Variants in CATSPERB observed in about 807,000 individuals in gnomAD.
CATSPERB encodes cation channel sperm-associated auxiliary subunit beta.
CATSPERB carries 93 observed loss-of-function variants against 128.3 expected under a neutral mutation model. That is an observed-to-expected ratio of 0.72 (90% CI 0.61 to 0.86). The LOEUF (loss-of-function observed/expected upper bound fraction) is 0.86. CATSPERB is among the 40% of genes least tolerant of loss of function. The pLI is 0.00. For missense variants in CATSPERB, 1,153 were observed against 1,329.5 expected (o/e 0.87, Z 2.06); for synonymous variants, 381 against 448.8 (o/e 0.85, Z 1.91).
At position 91,695,170 on chromosome 14, in the gene CATSPERB, T is replaced by C. The variant is rs112015817; in HGVS notation, c.617-1691A>G. The stretch of plus-strand genomic sequence containing the variant: ...TTTTTGATAGAGTCTCACTCCGTCA[T>C]CCAGGCTGGGGTGCAGTGGCGCAAT... On this transcript the variant is annotated intron_variant, in intron 7 of 26. Transcript: ENST00000256343. 4.2e-3 allele frequency among the ~76,000 whole-genome samples: 619 copies of C among 148,144 alleles called. 8 individuals carry two copies. Among genetic ancestry groups the C allele is most frequent in the African/African-American group, 0.014 (578 of 40,176 alleles).
intron 10 of CATSPERB, among the ~76,000 whole-genome samples, chr14:91,684,865 C>G (rs772032860): frequency 6.6e-6 from 1 of 152,024 alleles, no homozygotes; most frequent in Non-Finnish European, 1.5e-5. Context: ...GATCCACCCC[C>G]CTCGGCCTCC....
chr14:91,617,269 G>A (rs1169557051), intron 20 of CATSPERB, among the ~76,000 whole-genome samples: 2 of 152,056 alleles, frequency 1.3e-5, no homozygotes, highest in African/African-American at 4.8e-5. Flanking sequence ...GTCTGCAAAA[G>A]GGTAATTTCA....
intron 5 of CATSPERB, chr14:91,709,663 C>T (rs1895800985): frequency 7.3e-6 from 1 of 136,212 alleles, no homozygotes; most frequent in Non-Finnish European, 1.5e-5. Context: ...GCACTCCAGC[C>T]TGGGCAGCAG....
chr14:91,583,226 G>A (rs922210270), intron 26 of CATSPERB, among the ~76,000 whole-genome samples: 5 of 152,296 alleles, frequency 3.3e-5, no homozygotes, highest in Admixed American at 3.3e-4. Flanking sequence ...AGACCATCCT[G>A]GCTAACATGG....
At chr14:91,677,328 C>G (rs2139835398) in intron 11 of CATSPERB, among the ~76,000 whole-genome samples, 1 of 151,588 alleles carries the variant, frequency 6.6e-6, no homozygotes, top group Middle Eastern at 3.4e-3. Flanking sequence ...ACCCAAGAAT[C>G]TACAAAGAAT....
chr14:91,717,358 T>A (rs1271461523), intron 5 of CATSPERB, among the ~76,000 whole-genome samples: 7 of 152,158 alleles, frequency 4.6e-5, no homozygotes, highest in Admixed American at 4.6e-4. Context: ...GAATGCAAAT[T>A]ATACCTTATT....
chr14:91,709,584 T>A (rs1413557932), intron 5 of CATSPERB: 2 of 140,024 alleles, frequency 1.4e-5, no homozygotes, highest in East Asian at 4.2e-4. Context: ...CCCAGCTACT[T>A]GGGAGGCTGA....
intron 20 of CATSPERB, among the ~76,000 whole-genome samples, chr14:91,617,047 T>C (rs568952463): frequency 2.5e-4 from 38 of 152,226 alleles, no homozygotes; most frequent in African/African-American, 9.1e-4. Flanking sequence ...ACCCAGCCCA[T>C]ATTCCCTATG....
chr14:91,594,696 T>C (rs749446950), intron 22 of CATSPERB, among the ~76,000 whole-genome samples: 2 of 151,904 alleles, frequency 1.3e-5, no homozygotes, highest in Admixed American at 6.6e-5. Flanking sequence ...TAGCAGGTTG[T>C]GAAACCTCAT....
intron 22 of CATSPERB, among the ~76,000 whole-genome samples, chr14:91,595,916 C>A (rs935401947): frequency 1.3e-5 from 2 of 152,132 alleles, no homozygotes; most frequent in African/African-American, 4.8e-5. Context: ...CAGGGGTATA[C>A]TTTACTCAAT....
intron 5 of CATSPERB, chr14:91,709,885 C>T (rs1429835962): frequency 6.6e-6 from 1 of 152,126 alleles, no homozygotes. Context: ...ATGGTTTTGT[C>T]CCAACTCCAT....
Position 91,650,689 on chromosome 14 carries a change from T to TATCCATCCATCC in CATSPERB, c.1432+9136_1432+9147dup, listed in dbSNP as rs56395311. 3.1e-3 allele frequency among the ~76,000 whole-genome samples: 466 copies of TATCCATCCATCC among 150,962 alleles called. 11 individuals are homozygous for TATCCATCCATCC. The highest frequency in any genetic ancestry group is 0.014 in the East Asian group (72 of 5,112). ...CTCTGTTCTTTCTGTTTTTTGTATT[T>TATCCATCCATCC]ATCCATCCATCCATCCATCCACCCA... On this transcript the variant is annotated intron_variant, in intron 15 of 26. Coordinates refer to ENST00000256343, the MANE Select transcript of CATSPERB (RefSeq NM_024764.4).
At chr14:91,631,985 G>A (rs1407185468) in intron 17 of CATSPERB, among the ~76,000 whole-genome samples, 2 of 151,548 alleles carry the variant, frequency 1.3e-5, no homozygotes, top group Non-Finnish European at 2.9e-5. Context: ...AGAAAAGAAT[G>A]GAAAGAGGAG....
chr14:91,717,271 T>A (rs574085501), intron 5 of CATSPERB, among the ~76,000 whole-genome samples: 1 of 150,822 alleles, frequency 6.6e-6, no homozygotes, highest in Middle Eastern at 3.4e-3. Flanking sequence ...AACTGTTCTA[T>A]GTCTTGACTG....
Position 91,589,603 on chromosome 14 carries a change from G to A in CATSPERB, c.2887C>T (p.Arg963Cys), listed in dbSNP as rs1289785948. 16 of 1,613,390 alleles carry A rather than the reference G, an allele frequency of 9.9e-6. No homozygotes were observed. The highest frequency in any genetic ancestry group is 3.3e-5 in the South Asian group (3 of 91,054). ...VSLEIINEDG[R>C]VPLQSPYLVT... ...AGATATGGAGATTGCAATGGGACACGTCCATCCTCGTTGATAATTTCCAAA... is the reference window on the plus strand; with the variant it reads ...AGATATGGAGATTGCAATGGGACACATCCATCCTCGTTGATAATTTCCAAA... Residue 963 changes from arginine to cysteine, a missense_variant, in exon 24 of 27, where the codon CGT becomes TGT. Physicochemically the swap from Arg to Cys is radical, Grantham distance 180 (BLOSUM62 -3). Coordinates refer to ENST00000256343, the MANE Select transcript of CATSPERB (RefSeq NM_024764.4).
At chr14:91,659,294 C>A (rs1213519060) in intron 15 of CATSPERB, among the ~76,000 whole-genome samples, 1 of 152,100 alleles carries the variant, frequency 6.6e-6, no homozygotes, top group Non-Finnish European at 1.5e-5. Flanking sequence ...TATGTAAAAT[C>A]AATATTTGTT....
chr14:91,722,952 T>C (rs768580360), intron 4 of CATSPERB, 97 bp downstream of exon 4: 144 of 933,952 alleles, frequency 1.5e-4, no homozygotes, highest in Non-Finnish European at 1.9e-4. Flanking sequence ...ATAGATGTAA[T>C]ATTACTCAGC....
chr14:91,598,731 G>A (rs888614851), intron 22 of CATSPERB, among the ~76,000 whole-genome samples: 10 of 151,800 alleles, frequency 6.6e-5, no homozygotes, highest in African/African-American at 1.5e-4. Flanking sequence ...GGTGGCAGGC[G>A]CTTGTAGTCC....
chr14:91,625,087 A>G, intron 17 of CATSPERB, 80 bp from the exon 18 acceptor site: 2 of 814,612 alleles, frequency 2.5e-6, no homozygotes, highest in Non-Finnish European at 3.7e-6. Context: ...ATAATTTACA[A>G]AGAAAGTATA....
Sources: gnomAD v4.1 joint callset for allele counts (sites outside exome capture counted in the v4.1 genomes callset) on GRCh38, gnomAD v4.1.1 for gene constraint, MANE v1.5 for transcripts, NCBI Gene and HGNC (gene_info 2026-07-23, HGNC 2026-07-21) for gene names.